ZSCAN25: variants seen among roughly 807,000 people sequenced by gnomAD.
ZSCAN25 encodes the protein zinc finger and SCAN domain-containing protein 25.
Under a neutral mutation model 38.7 loss-of-function variants are expected in ZSCAN25, and 27 were observed. The observed-to-expected ratio is 0.70, with a 90% CI of 0.51 to 0.96. ZSCAN25 has a LOEUF of 0.96. ZSCAN25 is among the 40% of genes least tolerant of loss of function. The pLI, the probability that ZSCAN25 is intolerant of heterozygous loss-of-function variation, is 0.00. For missense variants in ZSCAN25, 637 were observed against 705.9 expected (o/e 0.90, Z 1.11); for synonymous variants, 273 against 277.7 (o/e 0.98, Z 0.17).
chr7:99,617,742 GAAACA>G lies in ZSCAN25; in HGVS notation c.-259+735_-259+739del, dbSNP rs560698679. 5.6e-3 allele frequency among the ~76,000 whole-genome samples: 853 copies of G among 152,272 alleles called. 4 individuals are homozygous for G. Among genetic ancestry groups the G allele is most frequent in the Admixed American group, 7.6e-3 (117 of 15,306 alleles). On this transcript the variant is annotated intron_variant, in intron 1 of 7. Transcript: ENST00000394152. ...GATAAAACCCTGAGATCCTGTCTCA[GAAACA>G]AAACAAAAGAGTCACAATGGGTGGG...
At chr7:99,645,123 T>C in the ZSCAN25 span, among the ~76,000 whole-genome samples, 3 of 152,172 alleles carry the variant, frequency 2.0e-5, no homozygotes, top group African/African-American at 7.2e-5. Context: ...CCCGAGTAGC[T>C]GAGATTACAG....
the ZSCAN25 span, among the ~76,000 whole-genome samples, chr7:99,677,864 A>G: frequency 6.6e-6 from 1 of 152,154 alleles, no homozygotes; most frequent in Non-Finnish European, 1.5e-5. Context: ...AGGACAAGCT[A>G]TTGAGTTAAT....
chr7:99,630,279 T>C lies in ZSCAN25; in HGVS notation c.*259T>C. ...TGCGGTTCAGTTCAGGCTGAGATTT[T>C]CTCCTTCAGTGGACTGTCTGTGTCC... On this transcript the variant is annotated 3_prime_UTR_variant, in exon 8 of 8. Coordinates refer to ENST00000394152, the MANE Select transcript of ZSCAN25 (RefSeq NM_145115.3). The C allele has an allele frequency of 7.8e-7, 1 of 1,277,558 alleles. No individual in the cohort carries two copies. Among genetic ancestry groups the C allele is most frequent in the Non-Finnish European group, 9.9e-7 (1 of 1,012,196 alleles). The allele number at this position is 1,277,558 out of a possible 1,614,324, so 79.1% of individuals were successfully genotyped here.
the ZSCAN25 span, chr7:99,638,193 T>C: frequency 1.1e-5 from 15 of 1,421,120 alleles, no homozygotes; most frequent in African/African-American, 1.4e-5. Flanking sequence ...ATCCTGTGAA[T>C]GGGTTTTTGA....
chr7:99,619,678 G>GAAAAGA lies in ZSCAN25; in HGVS notation c.75_76insAGAAAA (p.Lys25_Glu26insArgLys). The GAAAAGA allele has an allele frequency of 6.2e-7, 1 of 1,614,262 alleles. No homozygotes were observed. The highest frequency in any genetic ancestry group is 1.6e-4 in the Middle Eastern group (1 of 6,062). ...TGGGTATTCCTGTGGTGAAACTGGA[G>GAAAAGA]AAAGAGTTGCCATGGGGCAGAGGAA... On this transcript the variant is annotated inframe_insertion, in exon 4 of 8. Transcript: ENST00000394152.
chr7:99,620,293 G>C, intron 4 of ZSCAN25: 1 of 380,500 alleles, frequency 2.6e-6, no homozygotes, highest in Non-Finnish European at 4.8e-6. Context: ...TGTTTTTGGG[G>C]TCCCTCATAG....
the ZSCAN25 span, among the ~76,000 whole-genome samples, chr7:99,683,473 C>G: frequency 1.3e-5 from 2 of 152,204 alleles, no homozygotes; most frequent in Admixed American, 6.5e-5. Flanking sequence ...CCATTTTAAT[C>G]TAATTTCATA....
the ZSCAN25 span, among the ~76,000 whole-genome samples, chr7:99,665,993 C>G: frequency 6.6e-6 from 1 of 152,246 alleles, no homozygotes; most frequent in Non-Finnish European, 1.5e-5. Flanking sequence ...TGTCCCAAGT[C>G]TGAACAGGAC....
the ZSCAN25 span, among the ~76,000 whole-genome samples, chr7:99,649,902 A>G: frequency 5.3e-5 from 8 of 152,254 alleles, no homozygotes; most frequent in Non-Finnish European, 8.8e-5. Context: ...TCTTAATGCT[A>G]CAGGTTTTGA....
the ZSCAN25 span, chr7:99,658,969 A>T: frequency 4.6e-5 from 7 of 152,264 alleles, no homozygotes; most frequent in South Asian, 1.4e-3. Flanking sequence ...TGATTATTCT[A>T]GTTAGCCATT....
At chr7:99,660,182 T>C in the ZSCAN25 span, 1 of 983,034 alleles carries the variant, frequency 1.0e-6, no homozygotes, top group Non-Finnish European at 1.2e-6. Context: ...AGACTGGAGC[T>C]GTTCCTGTTT....
At chr7:99,717,436 C>A in the ZSCAN25 span, 4 of 1,588,008 alleles carry the variant, frequency 2.5e-6, no homozygotes, top group East Asian at 9.1e-5. Flanking sequence ...GCAGACTACT[C>A]CTCGGAAAGG....
chr7:99,726,885 A>G, the ZSCAN25 span, among the ~76,000 whole-genome samples: 1 of 152,302 alleles, frequency 6.6e-6, no homozygotes, highest in Middle Eastern at 3.4e-3. Context: ...TCATGAAAAC[A>G]CATGGGGTCT....
At chr7:99,692,706 A>G in the ZSCAN25 span, among the ~76,000 whole-genome samples, 2 of 152,114 alleles carry the variant, frequency 1.3e-5, no homozygotes, top group African/African-American at 4.8e-5. Context: ...AAGCTTGTGC[A>G]TGCATCACGA....
chr7:99,685,038 G>T, the ZSCAN25 span: 1 of 847,412 alleles, frequency 1.2e-6, no homozygotes, highest in Non-Finnish European at 1.9e-6. Context: ...AGTGGATGAA[G>T]CCCATCTTCA....
the ZSCAN25 span, chr7:99,717,247 G>C: frequency 6.2e-7 from 1 of 1,613,802 alleles, no homozygotes; most frequent in Middle Eastern, 1.6e-4. Context: ...TCTCCATACT[G>C]GGCAATGATA....
At chr7:99,720,311 A>T in the ZSCAN25 span, 2 of 1,612,490 alleles carry the variant, frequency 1.2e-6, no homozygotes, top group Non-Finnish European at 8.5e-7. Context: ...ATGGATGCTT[A>T]CCCTCCGGTT....
chr7:99,720,603 A>G, the ZSCAN25 span: 1 of 581,590 alleles, frequency 1.7e-6, no homozygotes, highest in Non-Finnish European at 3.0e-6. Context: ...CCAAGTCTTC[A>G]TACGATGAAG....
chr7:99,659,134 C>G, the ZSCAN25 span: 1 of 152,236 alleles, frequency 6.6e-6, no homozygotes, highest in East Asian at 1.9e-4. Context: ...AGCTGCGTTC[C>G]TTTGGAGGAG....
Sources: gnomAD v4.1 joint callset for allele counts (sites outside exome capture counted in the v4.1 genomes callset) on GRCh38, gnomAD v4.1.1 for gene constraint, MANE v1.5 for transcripts, NCBI Gene and HGNC (gene_info 2026-07-23, HGNC 2026-07-21) for gene names.